Variants in ARHGAP26 observed in about 807,000 individuals in gnomAD.
The protein encoded by ARHGAP26 is rho GTPase-activating protein 26.
In ARHGAP26, 38 loss-of-function variants were observed where a neutral mutation model predicts 104.8. The ratio of observed to expected loss-of-function variants is 0.36; its 90% CI spans 0.28 to 0.48. The LOEUF is 0.48. Ranked by LOEUF, ARHGAP26 falls within the 20% of genes least tolerant of loss-of-function variation. The pLI, the probability that ARHGAP26 is intolerant of heterozygous loss-of-function variation, is 0.99. For synonymous variants in ARHGAP26, 341 were observed against 340.0 expected (o/e 1.00, Z -0.03); for missense variants, 704 against 947.9 (o/e 0.74, Z 3.38).
At chr5:142,784,693 C>T (rs1006612073) in intron 1 of ARHGAP26, among the ~76,000 whole-genome samples, 4 of 152,084 alleles carry the variant, frequency 2.6e-5, no homozygotes, top group Non-Finnish European at 4.4e-5. Context: ...AGACCATGGA[C>T]GATGTTTTTT....
chr5:142,917,782 C>T (rs1762688493), intron 10 of ARHGAP26, among the ~76,000 whole-genome samples: 2 of 152,138 alleles, frequency 1.3e-5, no homozygotes, highest in Non-Finnish European at 2.9e-5. Context: ...ATCTTCCCAC[C>T]TCAGCTCTCG....
rs139063905 is a variant in ARHGAP26, at chr5:142,802,590, C to T, written c.154+31675C>T. Reference sequence around the variant, plus strand: ...CCAAGAACCTATCGACGATGTTAAGCGGGGATTCCATGTAATTGTAATCGT... The same window carrying T: ...CCAAGAACCTATCGACGATGTTAAGTGGGGATTCCATGTAATTGTAATCGT... On this transcript the variant is annotated intron_variant, in intron 1 of 22. Transcript: ENST00000645722. Among the ~76,000 whole-genome samples the T allele has an allele frequency of 2.2e-3, 329 of 152,238 alleles. 4 individuals carry two copies. The highest frequency in any genetic ancestry group is 7.4e-3 in the African/African-American group (306 of 41,532).
intron 17 of ARHGAP26, among the ~76,000 whole-genome samples, chr5:143,092,217 G>T (rs1562406336): frequency 1.4e-5 from 2 of 138,044 alleles, no homozygotes. Flanking sequence ...AGGCTGGAGT[G>T]CAGTGGCACG....
chr5:142,820,270 G>A (rs1047959868), intron 1 of ARHGAP26, among the ~76,000 whole-genome samples: 2 of 152,158 alleles, frequency 1.3e-5, no homozygotes, highest in African/African-American at 4.8e-5. Flanking sequence ...TCTTAGGATT[G>A]TTGTGCGGTG....
chr5:142,855,861 T>C (rs1003159265), intron 1 of ARHGAP26, among the ~76,000 whole-genome samples: 4 of 149,998 alleles, frequency 2.7e-5, no homozygotes, highest in Non-Finnish European at 2.9e-5. Flanking sequence ...TTTTACTTAC[T>C]GTTGTCTCTC....
rs186646350 is a variant in ARHGAP26 at position 143,029,558 on chromosome 5, C to T, written c.1145-7638C>T. 1.6e-3 allele frequency among the ~76,000 whole-genome samples: 239 copies of T among 150,438 alleles called. 3 individuals carry two copies. The highest frequency in any genetic ancestry group is 4.7e-4 in the Non-Finnish European group (32 of 67,964). ...TAGCTAGGGCCACAGGTTCACACCA[C>T]CATGCCCAGCAAATTTTTTTTTAAC... On this transcript the variant is annotated intron_variant, in intron 12 of 22. Coordinates refer to ENST00000645722, the MANE Select transcript of ARHGAP26 (RefSeq NM_001135608.3).
At chr5:142,823,404 TTC>T (rs1766591206) in intron 1 of ARHGAP26, among the ~76,000 whole-genome samples, 1 of 152,210 alleles carries the variant, frequency 6.6e-6, no homozygotes, top group Non-Finnish European at 1.5e-5. Flanking sequence ...GTGTTTTTTT[TTC>T]TTTCTCTTCT....
intron 20 of ARHGAP26, among the ~76,000 whole-genome samples, chr5:143,178,992 C>T (rs559329136): frequency 6.6e-6 from 1 of 152,096 alleles, no homozygotes; most frequent in Non-Finnish European, 1.5e-5. Context: ...GCTTCAGCCT[C>T]CCAAGTAGCT....
intron 1 of ARHGAP26, among the ~76,000 whole-genome samples, chr5:142,836,408 C>T (rs1769576121): frequency 6.6e-6 from 1 of 152,208 alleles, no homozygotes; most frequent in South Asian, 2.1e-4. Context: ...TCAAGATACT[C>T]TGTAAGGCAG....
chr5:142,851,272 T>A (rs753860454), intron 1 of ARHGAP26, among the ~76,000 whole-genome samples: 13 of 152,160 alleles, frequency 8.5e-5, no homozygotes, highest in Non-Finnish European at 1.5e-4. Context: ...AATTTTTGTA[T>A]TTTTAGTAGA....
At chr5:142,873,193 CA>C (rs1468513418) in intron 1 of ARHGAP26, among the ~76,000 whole-genome samples, 1 of 152,192 alleles carries the variant, frequency 6.6e-6, no homozygotes, top group Non-Finnish European at 1.5e-5. Flanking sequence ...GCCAATATAA[CA>C]AAAATATTAA....
At chr5:143,172,676 G>A (rs141368386) in intron 20 of ARHGAP26, among the ~76,000 whole-genome samples, 30 of 152,306 alleles carry the variant, frequency 2.0e-4, no homozygotes, top group Non-Finnish European at 1.5e-4. Context: ...AGTATTGAAA[G>A]GTTGTTTTTA....
rs145932590 is a variant in ARHGAP26 at position 143,027,502 on chromosome 5, A to G, written c.1145-9694A>G. Among the ~76,000 whole-genome samples the G allele has an allele frequency of 2.6e-5, 4 of 151,896 alleles. No individual in the cohort carries two copies. In the East Asian group the frequency reaches 7.7e-4, roughly 29 times the overall value. On this transcript the variant is annotated intron_variant, in intron 12 of 22. Coordinates refer to ENST00000645722, the MANE Select transcript of ARHGAP26 (RefSeq NM_001135608.3). ...CCTGGCTGACTTTTTAAATATATAC[A>G]TATACTACTTTTATTATTAATTTGC...
At chr5:143,086,252 C>G (rs1790571539) in intron 17 of ARHGAP26, among the ~76,000 whole-genome samples, 1 of 152,330 alleles carries the variant, frequency 6.6e-6, no homozygotes, top group Middle Eastern at 3.4e-3. Context: ...TAGAAAACTT[C>G]CAGTCCCCTC....
intron 12 of ARHGAP26, among the ~76,000 whole-genome samples, chr5:143,024,666 G>A (rs973600365): frequency 5.9e-5 from 9 of 152,240 alleles, no homozygotes; most frequent in Admixed American, 2.6e-4. Context: ...TATACGTTAT[G>A]TCATTTGATC....
chr5:143,139,199 T>C (rs1252543657), intron 19 of ARHGAP26, among the ~76,000 whole-genome samples: 1 of 152,198 alleles, frequency 6.6e-6, no homozygotes, highest in African/African-American at 2.4e-5. Context: ...CCTCATCTAA[T>C]AATAACAATA....
At chr5:143,196,091 A>C (rs1323953067) in intron 20 of ARHGAP26, among the ~76,000 whole-genome samples, 1 of 152,192 alleles carries the variant, frequency 6.6e-6, no homozygotes, top group Admixed American at 6.5e-5. Context: ...ATTAAAAAGT[A>C]CATGAAATAT....
At chr5:142,772,577 T>G in intron 1 of ARHGAP26, 1 of 370,656 alleles carries the variant, frequency 2.7e-6, no homozygotes. Flanking sequence ...TGTACTTCAT[T>G]CCAGGCACTG....
chr5:142,882,614 G>A (rs1757162510), intron 4 of ARHGAP26, among the ~76,000 whole-genome samples: 1 of 152,198 alleles, frequency 6.6e-6, no homozygotes, highest in African/African-American at 2.4e-5. Flanking sequence ...GACATGGAAA[G>A]CAGGTGTGTT....
Sources: allele counts gnomAD v4.1 joint callset (sites outside exome capture counted in the v4.1 genomes callset), GRCh38; gene constraint gnomAD v4.1.1; transcripts MANE v1.5; gene names NCBI Gene and HGNC (gene_info 2026-07-23, HGNC 2026-07-21).